Variants in MCTP1 observed in about 807,000 individuals in gnomAD.
MCTP1 encodes the protein multiple C2 and transmembrane domain-containing protein 1.
In MCTP1, 69 loss-of-function variants were observed where a neutral mutation model predicts 120.6. That is an observed-to-expected ratio of 0.57 (90% CI 0.47 to 0.70). The LOEUF (loss-of-function observed/expected upper bound fraction) is 0.70. Among genes scored for constraint, MCTP1 ranks in the 30% least tolerant of loss-of-function variants. MCTP1 has a pLI of 0.00. For synonymous variants in MCTP1, 529 were observed against 493.1 expected (o/e 1.07, Z -0.96); for missense variants, 1,203 against 1,248.8 (o/e 0.96, Z 0.55).
At chr5:94,771,409 T>C (rs1299409953) in intron 19 of MCTP1, among the ~76,000 whole-genome samples, 1 of 152,216 alleles carries the variant, frequency 6.6e-6, no homozygotes, top group East Asian at 1.9e-4. Flanking sequence ...ATGGAATTAA[T>C]GTTGAGAAGA....
intron 17 of MCTP1, among the ~76,000 whole-genome samples, chr5:94,814,748 T>C (rs1784149759): frequency 6.6e-6 from 1 of 151,348 alleles, no homozygotes; most frequent in South Asian, 2.1e-4. Flanking sequence ...TAGCCCAACA[T>C]GCAGAAAGAA....
At chr5:95,171,860 C>T (rs1328500381) in intron 1 of MCTP1, among the ~76,000 whole-genome samples, 1 of 152,004 alleles carries the variant, frequency 6.6e-6, no homozygotes. Flanking sequence ...TTTCAACTTA[C>T]TCCTTTAGCT....
Position 95,167,721 on chromosome 5 carries a change from C to T in MCTP1, c.720+116135G>A, listed in dbSNP as rs571635512. On this transcript the variant is annotated intron_variant, in intron 1 of 22. Coordinates refer to ENST00000515393, the MANE Select transcript of MCTP1 (RefSeq NM_024717.7). ...ATAAATGTCTTCTTTTGAGAAGTGT[C>T]TGTTCATATCCTTTGCCCACTTGTA... 2.6e-4 allele frequency among the ~76,000 whole-genome samples: 40 copies of T among 152,302 alleles called. 1 individual carries two copies. In the South Asian group the frequency reaches 7.7e-3, roughly 29 times the overall value.
chr5:95,210,761 T>C (rs1405654380), intron 1 of MCTP1, among the ~76,000 whole-genome samples: 3 of 152,158 alleles, frequency 2.0e-5, no homozygotes, highest in Non-Finnish European at 2.9e-5. Flanking sequence ...CGCAGTTTCT[T>C]CCTAGTCTCG....
intron 1 of MCTP1, among the ~76,000 whole-genome samples, chr5:95,228,449 GAAA>G (rs1239800525): frequency 7.1e-6 from 1 of 140,244 alleles, no homozygotes; most frequent in African/African-American, 2.7e-5. Flanking sequence ...CAAAAACTTA[GAAA>G]AACTTCCATG....
intron 17 of MCTP1, among the ~76,000 whole-genome samples, chr5:94,862,768 C>T (rs1365582158): frequency 6.6e-6 from 1 of 151,516 alleles, no homozygotes; most frequent in Non-Finnish European, 1.5e-5. Flanking sequence ...TAATTTTGGA[C>T]AATGTTTGAA....
chr5:95,023,254 T>C (rs758701305), intron 1 of MCTP1, among the ~76,000 whole-genome samples: 2 of 152,154 alleles, frequency 1.3e-5, no homozygotes, highest in East Asian at 1.9e-4. Flanking sequence ...ATTTCAGCAA[T>C]GAGCAAAACC....
At chr5:94,787,370 A>T (rs1002760105) in intron 18 of MCTP1, among the ~76,000 whole-genome samples, 3 of 152,178 alleles carry the variant, frequency 2.0e-5, no homozygotes, top group African/African-American at 7.2e-5. Flanking sequence ...TTTTTGTGGG[A>T]CTTCCGTATA....
At chr5:94,975,438 C>T (rs1349550133) in intron 2 of MCTP1, among the ~76,000 whole-genome samples, 2 of 151,866 alleles carry the variant, frequency 1.3e-5, no homozygotes, top group African/African-American at 4.8e-5. Context: ...TCTGAGCACA[C>T]AGCAGGAAGG....
rs142343951 is a variant in MCTP1, at chr5:95,028,605, G to A, written c.721-11121C>T. On this transcript the variant is annotated intron_variant, in intron 1 of 22. Coordinates refer to ENST00000515393, the MANE Select transcript of MCTP1 (RefSeq NM_024717.7). ...CTTCATTATCACTAATAACCTTTCC[G>A]CCTACACATACAGTATATAAAATAA... Among the ~76,000 whole-genome samples, 314 of 152,020 alleles carry A rather than the reference G, an allele frequency of 2.1e-3. 1 individual carries two copies. The highest frequency in any genetic ancestry group is 3.1e-3 in the Admixed American group (48 of 15,270).
rs145606617 is a variant in MCTP1 at position 94,706,578 on chromosome 5, G to GTTTTTTTTTTTTT, written c.*917_*918insAAAAAAAAAAAAA. On this transcript the variant is annotated 3_prime_UTR_variant, in exon 23 of 23. Coordinates refer to ENST00000515393, the MANE Select transcript of MCTP1 (RefSeq NM_024717.7). ...TTTCAGTAATCTAATGAGAAAGCAG[G>GTTTTTTTTTTTTT]TTTTTTTTTTCTCTGAGAGCACTTG... 1 of 146,670 alleles carries GTTTTTTTTTTTTT rather than the reference G, an allele frequency of 6.8e-6. No individual in the cohort carries two copies. Among genetic ancestry groups the GTTTTTTTTTTTTT allele is most frequent in the Non-Finnish European group, 1.5e-5 (1 of 66,592 alleles). 9.1% of individuals were successfully genotyped at this position (146,670 alleles called of 1,614,324 possible).
chr5:95,045,390 A>G (rs1167520728), intron 1 of MCTP1, among the ~76,000 whole-genome samples: 1 of 152,210 alleles, frequency 6.6e-6, no homozygotes, highest in African/African-American at 2.4e-5. Context: ...TGTGTGGTAC[A>G]ACCTGGTAAC....
chr5:95,231,171 G>A (rs1237641820), intron 1 of MCTP1, among the ~76,000 whole-genome samples: 1 of 152,116 alleles, frequency 6.6e-6, no homozygotes, highest in Non-Finnish European at 1.5e-5. Flanking sequence ...AAAAAGTGGA[G>A]TAATGTAGGG....
chr5:94,956,657 A>G (rs1822691915), intron 2 of MCTP1, among the ~76,000 whole-genome samples: 1 of 152,168 alleles, frequency 6.6e-6, no homozygotes, highest in African/African-American at 2.4e-5. Context: ...CAAGTGGAAG[A>G]AAGGATATCA....
chr5:94,973,716 G>A (rs1827415205), intron 2 of MCTP1, among the ~76,000 whole-genome samples: 1 of 152,054 alleles, frequency 6.6e-6, no homozygotes, highest in Admixed American at 6.6e-5. Flanking sequence ...TTGCTTAATG[G>A]TGCTCTATAG....
At chr5:95,240,112 T>G (rs1755998480) in intron 1 of MCTP1, among the ~76,000 whole-genome samples, 1 of 152,188 alleles carries the variant, frequency 6.6e-6, no homozygotes, top group Non-Finnish European at 1.5e-5. Context: ...TAACTGTATA[T>G]GTATTGAAAA....
At chr5:94,872,762 G>A (rs1798066505) in intron 13 of MCTP1, among the ~76,000 whole-genome samples, 1 of 152,072 alleles carries the variant, frequency 6.6e-6, no homozygotes, top group African/African-American at 2.4e-5. Context: ...TGGATTGTTT[G>A]CTGATTTCAG....
At chr5:95,227,140 C>T (rs955111688) in intron 1 of MCTP1, among the ~76,000 whole-genome samples, 1 of 152,180 alleles carries the variant, frequency 6.6e-6, no homozygotes, top group Non-Finnish European at 1.5e-5. Flanking sequence ...GAACCTGACA[C>T]TTTAAATCCT....
At chr5:94,921,917 C>A (rs191991753) in intron 7 of MCTP1, among the ~76,000 whole-genome samples, 2 of 152,284 alleles carry the variant, frequency 1.3e-5, no homozygotes, top group Non-Finnish European at 1.5e-5. Context: ...ATCATAAACT[C>A]AAAGAGGGAC....
Sources: allele counts gnomAD v4.1 joint callset (sites outside exome capture counted in the v4.1 genomes callset), GRCh38; gene constraint gnomAD v4.1.1; transcripts MANE v1.5; gene names NCBI Gene and HGNC (gene_info 2026-07-23, HGNC 2026-07-21).